The following FMNL2 variants were observed in gnomAD, a reference collection of about 807,000 sequenced individuals.
FMNL2 encodes formin-like protein 2.
A neutral mutation model predicts 130.2 loss-of-function variants in FMNL2; 51 were observed. The ratio of observed to expected loss-of-function variants is 0.39; its 90% CI spans 0.31 to 0.49. The LOEUF (loss-of-function observed/expected upper bound fraction) is 0.49, where lower values mean the gene tolerates loss of function less well. FMNL2 is among the 20% of genes least tolerant of loss of function. The pLI, the probability that FMNL2 is intolerant of heterozygous loss-of-function variation, is 0.85. For missense variants in FMNL2, 977 were observed against 1,316.2 expected (o/e 0.74, Z 3.99); for synonymous variants, 465 against 467.1 (o/e 1.00, Z 0.06).
At chr2:152,536,623 C>T (rs1463639871) in intron 2 of FMNL2, among the ~76,000 whole-genome samples, 1 of 151,934 alleles carries the variant, frequency 6.6e-6, no homozygotes, top group Admixed American at 6.6e-5. Flanking sequence ...CTAATTCATC[C>T]CTGAGGATGT....
intron 2 of FMNL2, among the ~76,000 whole-genome samples, chr2:152,534,624 G>T (rs150966884): frequency 4.2e-5 from 5 of 118,046 alleles, no homozygotes; most frequent in Admixed American, 9.1e-5. Context: ...AACCCCTAAT[G>T]TTTTATTTGT....
At chr2:152,582,853 C>T (rs1424460290) in intron 9 of FMNL2, among the ~76,000 whole-genome samples, 1 of 152,116 alleles carries the variant, frequency 6.6e-6, no homozygotes, top group East Asian at 1.9e-4. Context: ...ATCAGTGGCC[C>T]TTGTTATAAT....
At chr2:152,572,764 C>T (rs1377065569) in intron 6 of FMNL2, among the ~76,000 whole-genome samples, 1 of 151,696 alleles carries the variant, frequency 6.6e-6, no homozygotes, top group Non-Finnish European at 1.5e-5. Context: ...ATGGTATCAA[C>T]ATCATGCGTT....
intron 9 of FMNL2, among the ~76,000 whole-genome samples, chr2:152,582,628 G>T (rs1172617196): frequency 6.6e-6 from 1 of 152,024 alleles, no homozygotes; most frequent in African/African-American, 2.4e-5. Flanking sequence ...AGACAAGAAT[G>T]TACGAATGCT....
In FMNL2 at chr2:152,436,098, C is replaced by T. The variant is rs115054729; in HGVS notation, c.118-85845C>T. ...AAGATACCTCAAATGCAAAACACCACGCGGTATTGCAATCCCGTGCTTGAT... is the reference window on the plus strand; with the variant it reads ...AAGATACCTCAAATGCAAAACACCATGCGGTATTGCAATCCCGTGCTTGAT... On this transcript the variant is annotated intron_variant, in intron 1 of 25. Coordinates refer to ENST00000288670, the MANE Select transcript of FMNL2 (RefSeq NM_052905.4). Among the ~76,000 whole-genome samples, 1,248 of 152,052 alleles carry T rather than the reference C, an allele frequency of 8.2e-3. 2 individuals are homozygous for T. The highest frequency in any genetic ancestry group is 0.014 in the Middle Eastern group (4 of 292).
At chr2:152,640,539 A>C (rs1682993736) in intron 24 of FMNL2, among the ~76,000 whole-genome samples, 1 of 152,244 alleles carries the variant, frequency 6.6e-6, no homozygotes, top group African/African-American at 2.4e-5. Flanking sequence ...TATGGTCATT[A>C]CCAGTTGCCT....
chr2:152,468,567 C>G (rs2105167533), intron 1 of FMNL2, among the ~76,000 whole-genome samples: 1 of 152,084 alleles, frequency 6.6e-6, no homozygotes, highest in East Asian at 1.9e-4. Context: ...ATTTCAAAAG[C>G]TTATTTTGCA....
At chr2:152,527,022 G>C (rs1693428059) in intron 2 of FMNL2, among the ~76,000 whole-genome samples, 1 of 151,802 alleles carries the variant, frequency 6.6e-6, no homozygotes, top group African/African-American at 2.4e-5. Flanking sequence ...TATTGTATCT[G>C]GCCATGTATT....
intron 1 of FMNL2, among the ~76,000 whole-genome samples, chr2:152,351,917 C>A (rs367826734): frequency 6.6e-6 from 1 of 152,132 alleles, no homozygotes. Flanking sequence ...GGTATCTCAT[C>A]GTGGTTTTGA....
chr2:152,633,015 A>C (rs929548194), intron 21 of FMNL2, among the ~76,000 whole-genome samples: 1 of 152,108 alleles, frequency 6.6e-6, no homozygotes, highest in Non-Finnish European at 1.5e-5. Flanking sequence ...GTTCTCACTA[A>C]AGAACACTCT....
At chr2:152,604,462 C>T (rs1321642730) in intron 9 of FMNL2, among the ~76,000 whole-genome samples, 7 of 150,884 alleles carry the variant, frequency 4.6e-5, no homozygotes, top group Non-Finnish European at 7.4e-5. Flanking sequence ...TTTAGTTTAG[C>T]GTGTGCCTAG....
intron 1 of FMNL2, among the ~76,000 whole-genome samples, chr2:152,400,271 A>G (rs1301164127): frequency 2.0e-5 from 3 of 152,046 alleles, no homozygotes; most frequent in Admixed American, 1.3e-4. Context: ...GTCTCTAATA[A>G]AAAATACAAA....
intron 1 of FMNL2, among the ~76,000 whole-genome samples, chr2:152,462,050 C>T (rs1283203605): frequency 2.6e-5 from 4 of 152,096 alleles, no homozygotes; most frequent in Non-Finnish European, 5.9e-5. Flanking sequence ...TGTGTACCAT[C>T]GTGCCCTGCT....
intron 12 of FMNL2, among the ~76,000 whole-genome samples, chr2:152,616,429 C>G (rs1698954694): frequency 7.0e-6 from 1 of 142,730 alleles, no homozygotes; most frequent in African/African-American, 2.6e-5. Context: ...CTCCTGGGTT[C>G]AAGTGATTCT....
chr2:152,531,088 G>A (rs2678296), intron 2 of FMNL2, among the ~76,000 whole-genome samples: 18,881 of 152,126 alleles, frequency 0.12, 1,865 homozygotes, highest in Admixed American at 0.24. Flanking sequence ...GTTTCTTACC[G>A]GTAAAACCAC....
chr2:152,565,701 C>T (rs762078466), intron 6 of FMNL2, among the ~76,000 whole-genome samples: 4 of 152,150 alleles, frequency 2.6e-5, no homozygotes, highest in Non-Finnish European at 4.4e-5. Flanking sequence ...TCCACATTGC[C>T]TTTAATACAT....
chr2:152,459,517 A>G (rs748849002), intron 1 of FMNL2, among the ~76,000 whole-genome samples: 1 of 152,228 alleles, frequency 6.6e-6, no homozygotes, highest in Non-Finnish European at 1.5e-5. Context: ...TAATAGGCAT[A>G]TTAAGCAAAA....
intron 1 of FMNL2, among the ~76,000 whole-genome samples, chr2:152,487,220 G>T (rs1690879576): frequency 6.6e-6 from 1 of 152,122 alleles, no homozygotes; most frequent in East Asian, 1.9e-4. Context: ...TGATTTCCTT[G>T]TTTGAAATTT....
intron 9 of FMNL2, among the ~76,000 whole-genome samples, chr2:152,601,140 G>A (rs1303126155): frequency 6.6e-6 from 1 of 152,064 alleles, no homozygotes; most frequent in African/African-American, 2.4e-5. Context: ...GATCTGGATA[G>A]TGAGGGTAGA....
Sources: allele counts gnomAD v4.1 joint callset (sites outside exome capture counted in the v4.1 genomes callset), GRCh38; gene constraint gnomAD v4.1.1; transcripts MANE v1.5; gene names NCBI Gene and HGNC (gene_info 2026-07-23, HGNC 2026-07-21).